Variants in NKD1 observed in about 807,000 individuals in gnomAD.
NKD1 encodes NKD inhibitor of Wnt signaling pathway 1.
In NKD1, 21 loss-of-function variants were observed where a neutral mutation model predicts 56.0. That is an observed-to-expected ratio of 0.38 (90% CI 0.27 to 0.54). The LOEUF (loss-of-function observed/expected upper bound fraction) is 0.54, where lower values mean the gene tolerates loss of function less well. NKD1 is among the 20% of genes least tolerant of loss of function. NKD1 has a pLI of 0.82. For synonymous variants in NKD1, 263 were observed against 265.7 expected, an observed-to-expected ratio of 0.99 and a Z score of 0.10; for missense variants, 578 against 642.7, an observed-to-expected ratio of 0.90 and a Z score of 1.09.
intron 3 of NKD1, among the ~76,000 whole-genome samples, chr16:50,593,319 T>A (rs538966134): frequency 6.6e-6 from 1 of 152,294 alleles, no homozygotes; most frequent in East Asian, 1.9e-4. Context: ...TTGAAAAATG[T>A]AGGGGAGGTA....
Position 50,632,418 on chromosome 16 carries a change from T to C in NKD1, c.823+10T>C. ...TCCCAATTTGGGCCTGGTAAGGGAC[T>C]CAAGCACCCTGCAATGGGCGATGAG... is the stretch of plus-strand genomic sequence containing the variant. On this transcript the variant is annotated intron_variant, in intron 9 of 9. Transcript: ENST00000268459. The surrounding 1 kb of genome is among the most constrained non-coding windows in gnomAD (Gnocchi z 4.1). 1 of 1,614,010 alleles carries C rather than the reference T, an allele frequency of 6.2e-7. No homozygotes were observed. Among genetic ancestry groups the C allele is most frequent in the Non-Finnish European group, 8.5e-7 (1 of 1,179,930 alleles).
chr16:50,601,289 CAG>C (rs1198987416), intron 3 of NKD1, among the ~76,000 whole-genome samples: 4 of 152,084 alleles, frequency 2.6e-5, no homozygotes, highest in African/African-American at 9.7e-5. Context: ...CTGTGGGAGT[CAG>C]AGCTTTTAGT....
chr16:50,637,407 A>C lies in NKD1; in HGVS notation c.*3626A>C, dbSNP rs995737454. On this transcript the variant is annotated 3_prime_UTR_variant, in exon 10 of 10. Transcript: ENST00000268459. ...CATGGTGAAACCCCGTTTCTACTAA[A>C]AATACAAAAAATTAGCTGGGCATGG... 2.6e-5 allele frequency: 4 copies of C among 152,140 alleles called. No individual in the cohort carries two copies. Among genetic ancestry groups the C allele is most frequent in the Non-Finnish European group, 5.9e-5 (4 of 68,024 alleles). 9.4% of individuals were successfully genotyped at this position (152,140 alleles called of 1,614,324 possible).
At chr16:50,575,372 A>G (rs1259283245) in intron 3 of NKD1, 1 of 983,626 alleles carries the variant, frequency 1.0e-6, no homozygotes, top group Admixed American at 6.1e-5. Flanking sequence ...TGGTTTTCAG[A>G]ACATCAGCGC....
At chr16:50,617,136 C>G (rs1290101801) in intron 4 of NKD1, among the ~76,000 whole-genome samples, 1 of 152,198 alleles carries the variant, frequency 6.6e-6, no homozygotes, top group Admixed American at 6.5e-5. Flanking sequence ...GGTAAACAGT[C>G]CCGAGTGACT....
chr16:50,575,899 C>A (rs1960984009), intron 3 of NKD1, among the ~76,000 whole-genome samples: 1 of 152,144 alleles, frequency 6.6e-6, no homozygotes, highest in Admixed American at 6.5e-5. Context: ...GGGGGTGCTG[C>A]TGGCCTCTAG....
chr16:50,569,171 A>G (rs1316599304), intron 3 of NKD1, among the ~76,000 whole-genome samples: 2 of 152,188 alleles, frequency 1.3e-5, no homozygotes, highest in Non-Finnish European at 2.9e-5. Flanking sequence ...ATTATAGTCT[A>G]TGGGTTGGGC....
At chr16:50,614,338 TA>T (rs1961914723) in intron 4 of NKD1, among the ~76,000 whole-genome samples, 1 of 152,044 alleles carries the variant, frequency 6.6e-6, no homozygotes, top group African/African-American at 2.4e-5. Context: ...ATTCTGGAGC[TA>T]AAACCATGTC....
chr16:50,599,274 C>G (rs1050263628), intron 3 of NKD1, among the ~76,000 whole-genome samples: 1 of 152,190 alleles, frequency 6.6e-6, no homozygotes, highest in Non-Finnish European at 1.5e-5. Flanking sequence ...AGCCAGGCCA[C>G]TCACCAAGCA....
At chr16:50,569,456 C>T (rs1034573526) in intron 3 of NKD1, among the ~76,000 whole-genome samples, 1 of 152,190 alleles carries the variant, frequency 6.6e-6, no homozygotes, top group African/African-American at 2.4e-5. Context: ...CTGAAGCCCT[C>T]TCTGAAGCTG....
chr16:50,594,230 A>G (rs1434166562), intron 3 of NKD1, among the ~76,000 whole-genome samples: 1 of 152,248 alleles, frequency 6.6e-6, no homozygotes, highest in Non-Finnish European at 1.5e-5. Flanking sequence ...GAGCCCTGGC[A>G]TCAGGGTCCC....
chr16:50,610,463 C>T (rs999025029), intron 4 of NKD1, among the ~76,000 whole-genome samples: 2 of 152,174 alleles, frequency 1.3e-5, no homozygotes, highest in Non-Finnish European at 2.9e-5. Context: ...TAGGCCACCG[C>T]GTGGCCAGGT....
rs902729981 is a variant in NKD1 at position 50,581,460 on chromosome 16, G to A, written c.193-26834G>A. ...GGGTTTTGAGTGCTCTCATTCTCTCGGGTGCTTTCTCTTGCATTCACTCAG... is the reference window on the plus strand; with the variant it reads ...GGGTTTTGAGTGCTCTCATTCTCTCAGGTGCTTTCTCTTGCATTCACTCAG... On this transcript the variant is annotated intron_variant, in intron 3 of 9. Coordinates refer to ENST00000268459, the MANE Select transcript of NKD1 (RefSeq NM_033119.5). Among the ~76,000 whole-genome samples the A allele has an allele frequency of 3.3e-5, 5 of 152,140 alleles. No individual in the cohort carries two copies. In the South Asian group the frequency reaches 8.3e-4, roughly 25 times the overall value.
At position 50,644,190 on chromosome 16, in the gene NKD1, T is replaced by G. The variant is rs1962633816; in HGVS notation, c.*10409T>G. The G allele has an allele frequency of 6.6e-6, 1 of 152,244 alleles. No individual in the cohort carries two copies. Among genetic ancestry groups the G allele is most frequent in the African/African-American group, 2.4e-5 (1 of 41,472 alleles). The allele number at this position is 152,244 out of a possible 1,614,324, so 9.4% of individuals were successfully genotyped here. On this transcript the variant is annotated 3_prime_UTR_variant, in exon 10 of 10. Transcript: ENST00000268459. ...TAGACAAATTTTAGTGAATAGGCAA[T>G]TTCGTAAATACAGAATCCACGGAGG...
At position 50,598,842 on chromosome 16, in the gene NKD1, G is replaced by A. The variant is rs1961533663; in HGVS notation, c.193-9452G>A. Among the ~76,000 whole-genome samples, 1 of 151,622 alleles carries A rather than the reference G, an allele frequency of 6.6e-6. No individual in the cohort carries two copies. Among genetic ancestry groups the A allele is most frequent in the South Asian group, 2.1e-4 (1 of 4,772 alleles). On this transcript the variant is annotated intron_variant, in intron 3 of 9. Transcript: ENST00000268459. This position sits in a 1 kb window ranked among gnomAD's most constrained non-coding sequence, Gnocchi z 4.2. ...TGTGCAGTGGCATGGTAGAGTCAGT[G>A]GTGCAATGTTCAGTGGTGTGGCGGG...
rs1347698117 is a variant in NKD1 at position 50,648,771 on chromosome 16, G to A, written c.*14990G>A. ...AGCTCCTGGGAATCTCCTTTAAAAA[G>A]AGAGCTTGTTTATACCTATTGTCAT... On this transcript the variant is annotated 3_prime_UTR_variant, in exon 10 of 10. Coordinates refer to ENST00000268459, the MANE Select transcript of NKD1 (RefSeq NM_033119.5). The A allele has an allele frequency of 6.6e-6, 1 of 152,200 alleles. No individual in the cohort carries two copies. Among genetic ancestry groups the A allele is most frequent in the African/African-American group, 2.4e-5 (1 of 41,452 alleles). 9.4% of individuals were successfully genotyped at this position (152,200 alleles called of 1,614,324 possible). A position where few individuals can be genotyped will look rare whatever the true frequency, so the allele number is the denominator to read the frequency against.
In NKD1 at chr16:50,577,065, A is replaced by G. The variant is rs188598510; in HGVS notation, c.192+27510A>G. Among the ~76,000 whole-genome samples the G allele has an allele frequency of 1.4e-4, 21 of 152,362 alleles. No homozygotes were observed. In the East Asian group the frequency reaches 2.7e-3, roughly 20 times the overall value. On this transcript the variant is annotated intron_variant, in intron 3 of 9. Transcript: ENST00000268459. ...CAGAAAGTGATTTGTGGGAAATGAT[A>G]CAAATATTTTACACCATTCAGAGCA... is the stretch of plus-strand genomic sequence containing the variant.
chr16:50,583,637 A>G (rs1376474462), intron 3 of NKD1, among the ~76,000 whole-genome samples: 3 of 152,184 alleles, frequency 2.0e-5, no homozygotes, highest in African/African-American at 7.2e-5. Context: ...TTTTTACACA[A>G]TGATGGATAG....
At chr16:50,560,823 C>CATCTACCTATCT (rs1555487413) in intron 3 of NKD1, among the ~76,000 whole-genome samples, 1 of 148,546 alleles carries the variant, frequency 6.7e-6, no homozygotes, top group Non-Finnish European at 1.5e-5. Context: ...TACCCAAACC[C>CATCTACCTATCT]ATCTATCTAT....
Sources: gnomAD v4.1 joint callset for allele counts (sites outside exome capture counted in the v4.1 genomes callset) on GRCh38, gnomAD v4.1.1 for gene constraint, Gnocchi (gnomAD v3.1) non-coding constraint, MANE v1.5 for transcripts, NCBI Gene and HGNC (gene_info 2026-07-23, HGNC 2026-07-21) for gene names.